Variants in LINGO2 observed in about 807,000 individuals in gnomAD.
LINGO2 encodes leucine-rich repeat and immunoglobulin-like domain-containing nogo receptor-interacting protein 2.
Under a neutral mutation model 30.6 loss-of-function variants are expected in LINGO2, and 14 were observed. The ratio of observed to expected loss-of-function variants is 0.46; its 90% confidence interval spans 0.30 to 0.72. LINGO2 has a LOEUF of 0.72. Ranked by LOEUF, LINGO2 falls within the 30% of genes least tolerant of loss-of-function variation. The probability of loss-of-function intolerance (pLI) is 0.07; values close to 1 mark genes in which losing one functional copy is unlikely to be tolerated. For missense variants in LINGO2, 729 were observed against 751.7 expected, an observed-to-expected ratio of 0.97 and a Z score of 0.35; for synonymous variants, 317 against 288.5, an observed-to-expected ratio of 1.10 and a Z score of -1.00.
intron 4 of LINGO2, among the ~76,000 whole-genome samples, chr9:28,210,903 C>A (rs778384518): frequency 2.8e-4 from 42 of 151,620 alleles, no homozygotes; most frequent in Non-Finnish European, 5.5e-4. Context: ...GAAAGACTAT[C>A]ATGAAGCCTA....
At chr9:28,338,133 A>C (rs1449422322) in intron 3 of LINGO2, among the ~76,000 whole-genome samples, 1 of 152,154 alleles carries the variant, frequency 6.6e-6, no homozygotes, top group Non-Finnish European at 1.5e-5. Flanking sequence ...GCCCAAGGCC[A>C]TGGGCACCTC....
chr9:27,982,951 A>G (rs1211033572), intron 5 of LINGO2, among the ~76,000 whole-genome samples: 2 of 151,834 alleles, frequency 1.3e-5, no homozygotes, highest in Non-Finnish European at 2.9e-5. Context: ...TCCATTGTAC[A>G]TGCAGCACAC....
rs531580787 is a variant in LINGO2, at chr9:28,584,328, T to C, written c.-365+85872A>G. 1.4e-3 allele frequency among the ~76,000 whole-genome samples: 216 copies of C among 152,252 alleles called. 1 individual carries two copies. Among genetic ancestry groups the C allele is most frequent in the African/African-American group, 5.1e-3 (212 of 41,574 alleles). On this transcript the variant is annotated intron_variant, in intron 1 of 5. Transcript: ENST00000379992. The stretch of plus-strand genomic sequence containing the variant: ...ACCTGTTGGCTCTCTTTAACAAATG[T>C]ACTTGAGAGCATCTCATTTTATTTG...
At chr9:28,719,673 T>C in the LINGO2 span, among the ~76,000 whole-genome samples, 1 of 152,182 alleles carries the variant, frequency 6.6e-6, no homozygotes, top group African/African-American at 2.4e-5. Flanking sequence ...CTTCTCATTA[T>C]ACACTTCCTG....
the LINGO2 span, among the ~76,000 whole-genome samples, chr9:28,797,687 T>C: frequency 6.6e-6 from 1 of 152,048 alleles, no homozygotes; most frequent in Non-Finnish European, 1.5e-5. Context: ...CTATTAGATA[T>C]TTAAATAAAT....
rs1459812865 is a variant in LINGO2, at chr9:28,147,201, G to GA, written c.-86-134797dup. Among the ~76,000 whole-genome samples the GA allele has an allele frequency of 6.6e-6, 1 of 152,154 alleles. No individual in the cohort carries two copies. The highest frequency in any genetic ancestry group is 1.5e-5 in the Non-Finnish European group (1 of 68,018). On this transcript the variant is annotated intron_variant, in intron 4 of 5. Coordinates refer to ENST00000379992, the Ensembl canonical transcript of LINGO2. This position sits in a 1 kb window ranked among gnomAD's most constrained non-coding sequence, Gnocchi z 4.7. Reference sequence around the variant, plus strand: ...GGTGCTAAGTACCCCAGGACTACAGGAAAAAATAAGAATAGATGTTGTATC... The same window carrying GA: ...GGTGCTAAGTACCCCAGGACTACAGGAAAAAAATAAGAATAGATGTTGTATC...
intron 4 of LINGO2, among the ~76,000 whole-genome samples, chr9:28,292,369 G>A (rs1373796363): frequency 1.3e-5 from 2 of 152,112 alleles, no homozygotes; most frequent in Non-Finnish European, 2.9e-5. Context: ...AACAGTCTGA[G>A]GATTTTCCCA....
intron 1 of LINGO2, among the ~76,000 whole-genome samples, chr9:28,552,886 A>C (rs1029250184): frequency 7.7e-6 from 1 of 130,172 alleles, no homozygotes; most frequent in South Asian, 2.9e-4. Flanking sequence ...TTCCAACATT[A>C]AAAAAAAAAA....
At chr9:28,363,378 C>T (rs1470080376) in intron 3 of LINGO2, among the ~76,000 whole-genome samples, 2 of 152,136 alleles carry the variant, frequency 1.3e-5, no homozygotes, top group Non-Finnish European at 2.9e-5. Flanking sequence ...GCTAAGCAAT[C>T]GTTTATCAGG....
intron 4 of LINGO2, among the ~76,000 whole-genome samples, chr9:28,109,324 GA>G (rs1386925973): frequency 6.6e-6 from 1 of 152,090 alleles, no homozygotes; most frequent in African/African-American, 2.4e-5. Context: ...CATTCCCTTT[GA>G]AAACCAGCCA....
chr9:28,343,808 G>A (rs1191094776), intron 3 of LINGO2, among the ~76,000 whole-genome samples: 1 of 152,028 alleles, frequency 6.6e-6, no homozygotes. Flanking sequence ...TTAGCTGTGG[G>A]GACTGGAAAT....
intron 4 of LINGO2, among the ~76,000 whole-genome samples, chr9:28,090,696 C>T (rs551896166): frequency 1.2e-4 from 18 of 151,990 alleles, no homozygotes; most frequent in African/African-American, 2.7e-4. Context: ...TTCAACATAG[C>T]GTTGGAAGTT....
chr9:28,390,202 A>G (rs10812797), intron 2 of LINGO2, among the ~76,000 whole-genome samples: 50,994 of 152,018 alleles, frequency 0.34, 9,117 homozygotes, highest in Middle Eastern at 0.42. Flanking sequence ...CTGCTGTACG[A>G]TGCTACCACA....
intron 4 of LINGO2, among the ~76,000 whole-genome samples, chr9:28,134,938 C>T (rs1449131657): frequency 6.6e-6 from 1 of 152,162 alleles, no homozygotes; most frequent in Non-Finnish European, 1.5e-5. Context: ...AGGAAGAGAA[C>T]AATCTAAATC....
rs1820782867 is a variant in LINGO2, at chr9:28,520,361, C to T, written c.-364-44336G>A. 2.0e-5 allele frequency among the ~76,000 whole-genome samples: 3 copies of T among 152,128 alleles called. No individual in the cohort carries two copies. In the East Asian group the frequency reaches 5.8e-4, roughly 29 times the overall value. ...AGAATTTTTTAGTAATATTGGAATG[C>T]TCTTTTACCAGATCTTTGCATAGTT... is the stretch of plus-strand genomic sequence containing the variant. On this transcript the variant is annotated intron_variant, in intron 1 of 5. Transcript: ENST00000379992.
intron 1 of LINGO2, among the ~76,000 whole-genome samples, chr9:28,496,607 T>G (rs1587755843): frequency 6.6e-6 from 1 of 152,118 alleles, no homozygotes; most frequent in Admixed American, 6.5e-5. Context: ...CCTGACTCTT[T>G]ATCCAATTTG....
At chr9:28,262,804 GA>G (rs1414146840) in intron 4 of LINGO2, among the ~76,000 whole-genome samples, 7 of 151,836 alleles carry the variant, frequency 4.6e-5, no homozygotes, top group African/African-American at 1.4e-4. Flanking sequence ...TATTTCTTTA[GA>G]ACACAAAATT....
the LINGO2 span, among the ~76,000 whole-genome samples, chr9:29,004,316 T>G: frequency 6.6e-6 from 1 of 151,960 alleles, no homozygotes; most frequent in Non-Finnish European, 1.5e-5. Context: ...GGTATTTTAT[T>G]TGTATACGTA....
chr9:28,627,136 G>C (rs545323329), intron 1 of LINGO2, among the ~76,000 whole-genome samples: 10 of 151,946 alleles, frequency 6.6e-5, no homozygotes, highest in Middle Eastern at 3.4e-3. Context: ...GGCTGACGTA[G>C]GTGTAGCCCT....
Sources: allele counts gnomAD v4.1 joint callset (sites outside exome capture counted in the v4.1 genomes callset), GRCh38; gene constraint gnomAD v4.1.1; non-coding constraint Gnocchi (gnomAD v3.1); transcripts MANE v1.5; gene names NCBI Gene and HGNC (gene_info 2026-07-23, HGNC 2026-07-21).